The following SVOP variants were observed in gnomAD, a reference collection of about 807,000 sequenced individuals.
The protein encoded by SVOP is synaptic vesicle 2-related protein.
In SVOP, 17 loss-of-function variants were observed where a neutral mutation model predicts 69.1. The ratio of observed to expected loss-of-function variants is 0.25; its 90% confidence interval spans 0.17 to 0.37. The LOEUF (loss-of-function observed/expected upper bound fraction) is 0.37. Ranked by LOEUF, SVOP falls within the 10% of genes least tolerant of loss-of-function variation. The pLI is 1.00. For missense variants in SVOP, 435 were observed against 597.5 expected (o/e 0.73, Z 2.84); for synonymous variants, 238 against 238.6 (o/e 1.00, Z 0.02).
chr12:108,961,184 T>C (rs372365510), intron 5 of SVOP, 137 bp from the exon 6 acceptor site: 1 of 1,122,544 alleles, frequency 8.9e-7, no homozygotes, highest in East Asian at 2.7e-5. Flanking sequence ...GGTTCCTCTG[T>C]ATGGGGAGTG....
Position 109,019,261 on chromosome 12 carries a change from T to G in SVOP, c.35+1573A>C, listed in dbSNP as rs561594595. Among the ~76,000 whole-genome samples, 6 of 152,332 alleles carry G rather than the reference T, an allele frequency of 3.9e-5. No homozygotes were observed. The East Asian group carries it at 7.7e-4, about 20-fold the overall frequency. ...CCTATAAAAACCTAAATTTTTACAT[T>G]TAAATAAGTGAAAACTTCTTATTTT... On this transcript the variant is annotated intron_variant, in intron 1 of 15. Coordinates refer to ENST00000610966, the MANE Select transcript of SVOP (RefSeq NM_018711.5).
intron 2 of SVOP, among the ~76,000 whole-genome samples, chr12:108,979,975 C>T (rs2040127236): frequency 1.3e-5 from 2 of 152,136 alleles, no homozygotes; most frequent in African/African-American, 4.8e-5. Context: ...AGTTTGAGAG[C>T]AGCCTGGGCA....
chr12:108,928,519 T>C (rs2039795784), intron 11 of SVOP, among the ~76,000 whole-genome samples: 2 of 151,772 alleles, frequency 1.3e-5, no homozygotes, highest in Non-Finnish European at 2.9e-5. Context: ...CTGACCTTCC[T>C]TTGCCCCTCA....
At chr12:108,961,161 C>T in intron 5 of SVOP, 114 bp from the exon 6 acceptor site, 1 of 1,317,148 alleles carries the variant, frequency 7.6e-7, no homozygotes, top group South Asian at 1.7e-5. Flanking sequence ...CCTACACAAC[C>T]AAGGGGGTAC....
intron 5 of SVOP, among the ~76,000 whole-genome samples, chr12:108,970,716 C>T (rs2040073984): frequency 6.6e-6 from 1 of 152,152 alleles, no homozygotes; most frequent in South Asian, 2.1e-4. Context: ...CTAGCATGTG[C>T]CTGGCATTGT....
intron 1 of SVOP, among the ~76,000 whole-genome samples, chr12:109,011,612 G>A (rs1436466961): frequency 6.6e-6 from 1 of 152,148 alleles, no homozygotes; most frequent in African/African-American, 2.4e-5. Context: ...CTTAACATGG[G>A]CTCAAAGAGT....
intron 4 of SVOP, among the ~76,000 whole-genome samples, chr12:108,974,851 C>T (rs1368320455): frequency 6.6e-6 from 1 of 152,072 alleles, no homozygotes; most frequent in Non-Finnish European, 1.5e-5. Flanking sequence ...AACTTTAAAA[C>T]AAATGATGGC....
Position 109,008,095 on chromosome 12 carries a change from A to C in SVOP, c.35+12739T>G, listed in dbSNP as rs534318034. Among the ~76,000 whole-genome samples the C allele has an allele frequency of 1.4e-4, 22 of 152,192 alleles. 1 individual carries two copies. In the South Asian group the frequency reaches 3.9e-3, roughly 27 times the overall value. ...AAGCTGAGGCTGGAGAGGTTACACCAATGGTTCCAGGTCTCCTAGATAATA... is the reference window on the plus strand; with the variant it reads ...AAGCTGAGGCTGGAGAGGTTACACCCATGGTTCCAGGTCTCCTAGATAATA... On this transcript the variant is annotated intron_variant, in intron 1 of 15. Transcript: ENST00000610966.
At chr12:108,996,916 A>C (rs2040235893) in intron 1 of SVOP, among the ~76,000 whole-genome samples, 1 of 152,200 alleles carries the variant, frequency 6.6e-6, no homozygotes, top group Non-Finnish European at 1.5e-5. Context: ...TGGGTGACAG[A>C]ACAAGACCCT....
chr12:108,974,649 T>A (rs1307540478), intron 4 of SVOP, among the ~76,000 whole-genome samples: 1 of 151,926 alleles, frequency 6.6e-6, no homozygotes, highest in African/African-American at 2.4e-5. Flanking sequence ...GAGGATGGCT[T>A]GAACTTAGAA....
Position 108,940,798 on chromosome 12 carries a change from CAA to C in SVOP, c.752_753del (p.Phe251CysfsTer9). 6.5e-7 allele frequency: 1 copy of C among 1,537,136 alleles called. No individual in the cohort carries two copies. Among genetic ancestry groups the C allele is most frequent in the Non-Finnish European group, 8.7e-7 (1 of 1,146,862 alleles). On this transcript the variant is annotated frameshift_variant, in exon 8 of 16. Transcript: ENST00000610966. LOFTEE classifies it high-confidence loss of function. ...AGGATACCTACGAAACACAGCACGGCAAAGAGGAGGAGCGGGACAGCTGAGAG... is the reference window on the plus strand; with the variant it reads ...AGGATACCTACGAAACACAGCACGGCAGAGGAGGAGCGGGACAGCTGAGAG... ...LILSAVPLLL[F>X]AVLCFWLPES...
intron 1 of SVOP, among the ~76,000 whole-genome samples, chr12:108,998,335 T>C (rs981115822): frequency 7.9e-5 from 12 of 152,192 alleles, no homozygotes; most frequent in East Asian, 1.9e-4. Context: ...CTACGTCTGA[T>C]TGGTATACCT....
At chr12:108,976,057 A>G (rs187474068) in intron 4 of SVOP, among the ~76,000 whole-genome samples, 6 of 152,250 alleles carry the variant, frequency 3.9e-5, no homozygotes, top group African/African-American at 1.2e-4. Context: ...AGCAAGTATC[A>G]TGGACTCAGC....
At chr12:108,977,628 CA>C (rs2040114109) in intron 3 of SVOP, 132 bp from the exon 4 acceptor site, 7 of 576,510 alleles carry the variant, frequency 1.2e-5, no homozygotes, top group Non-Finnish European at 2.2e-5. Context: ...CCCTGCTGCA[CA>C]TCAAACCACA....
intron 1 of SVOP, among the ~76,000 whole-genome samples, chr12:109,011,931 T>C (rs1338420949): frequency 6.6e-6 from 1 of 151,968 alleles, no homozygotes; most frequent in Non-Finnish European, 1.5e-5. Flanking sequence ...AGTGGAATGG[T>C]GATTACCAGG....
chr12:108,917,411 C>T (rs372797522), intron 14 of SVOP, among the ~76,000 whole-genome samples: 8 of 152,150 alleles, frequency 5.3e-5, no homozygotes, highest in African/African-American at 1.9e-4. Context: ...ATCAAAATGC[C>T]TAAATTCTCT....
rs2040015235 is a variant in SVOP, at chr12:108,961,042, C to T, written c.459G>A (p.Leu153=). 1 of 1,535,930 alleles carries T rather than the reference C, an allele frequency of 6.5e-7. No homozygotes were observed. Among genetic ancestry groups the T allele is most frequent in the Non-Finnish European group, 8.7e-7 (1 of 1,146,012 alleles). Residue 153 remains leucine, a synonymous_variant, in exon 6 of 16, where the codon CTG becomes CTA. Transcript: ENST00000610966. Reference sequence around the variant, plus strand: ...ACAGAGTCCACAGCACGCTGATCTTCAGCCCCTGAAGAGAAGGAAGACACG... The same window carrying T: ...ACAGAGTCCACAGCACGCTGATCTTTAGCCCCTGAAGAGAAGGAAGACACG... ...ISDQYGRKTG[L]KISVLWTLYY... is the part of the protein sequence containing the mutation.
At chr12:108,967,413 C>T (rs2040051996) in intron 5 of SVOP, among the ~76,000 whole-genome samples, 2 of 151,890 alleles carry the variant, frequency 1.3e-5, no homozygotes, top group South Asian at 2.1e-4. Context: ...GCAGGAGAAT[C>T]GCTTGAACCT....
In SVOP at chr12:108,918,072, A is replaced by T; in HGVS notation, c.1321T>A (p.Phe441Ile). Reference protein sequence around the residue: ...FIARAFISGGFQAAYVYTPEV... With the variant: ...FIARAFISGGIQAAYVYTPEV... The stretch of plus-strand genomic sequence containing the variant: ...GGTGTGTAAACATATGCCGCTTGAA[A>T]GCCTCCAGAAATAAACGCTCTTGCA... The change falls in exon 14 of 16, where the codon TTT becomes ATT. Residue 441 changes from phenylalanine to isoleucine, a missense_variant. Transcript: ENST00000610966. 6.3e-7 allele frequency: 1 copy of T among 1,583,882 alleles called. No homozygotes were observed. Among genetic ancestry groups the T allele is most frequent in the South Asian group, 1.2e-5 (1 of 85,970 alleles).
Sources: gnomAD v4.1 joint callset for allele counts (sites outside exome capture counted in the v4.1 genomes callset) on GRCh38, gnomAD v4.1.1 for gene constraint, MANE v1.5 for transcripts, NCBI Gene and HGNC (gene_info 2026-07-23, HGNC 2026-07-21) for gene names.